The following PLGRKT variants were observed in gnomAD, a reference collection of about 807,000 sequenced individuals.
PLGRKT encodes the protein plasminogen receptor with a C-terminal lysine, also known as plasminogen receptor (KT).
In PLGRKT, 22 loss-of-function variants were observed where a neutral mutation model predicts 18.5. The ratio of observed to expected loss-of-function variants is 1.19; its 90% CI spans 0.85 to 1.70. The LOEUF (loss-of-function observed/expected upper bound fraction) is 1.70, where lower values mean the gene tolerates loss of function less well. Ranked by LOEUF, PLGRKT falls within the 40% of genes most tolerant of loss-of-function variation. The probability of loss-of-function intolerance (pLI) is 0.00; values close to 1 mark genes in which losing one functional copy is unlikely to be tolerated. For missense variants in PLGRKT, 235 were observed against 174.4 expected (o/e 1.35, Z -1.96); for synonymous variants, 72 against 52.8 (o/e 1.36, Z -1.58).
At chr9:5,424,426 T>G (rs985498735) in intron 3 of PLGRKT, among the ~76,000 whole-genome samples, 1 of 116,708 alleles carries the variant, frequency 8.6e-6, no homozygotes, top group Admixed American at 9.7e-5. Flanking sequence ...ATATAATATA[T>G]AACATATTAT....
intron 1 of PLGRKT, among the ~76,000 whole-genome samples, chr9:5,437,244 T>A (rs1818977831): frequency 6.6e-6 from 1 of 152,202 alleles, no homozygotes; most frequent in South Asian, 2.1e-4. Context: ...TTGATTTTAC[T>A]TGGGGGGACA....
chr9:5,409,625 G>A (rs1037666282), intron 3 of PLGRKT, among the ~76,000 whole-genome samples: 3 of 152,236 alleles, frequency 2.0e-5, no homozygotes, highest in South Asian at 2.1e-4. Context: ...GCCCATGAGA[G>A]CAGTTGTGGG....
At chr9:5,410,864 G>C (rs1396654168) in intron 3 of PLGRKT, among the ~76,000 whole-genome samples, 1 of 152,006 alleles carries the variant, frequency 6.6e-6, no homozygotes, top group African/African-American at 2.4e-5. Flanking sequence ...TTAAAGCACA[G>C]CCTTTTACCT....
At chr9:5,395,692 CATA>C (rs1818031127) in intron 3 of PLGRKT, among the ~76,000 whole-genome samples, 1 of 151,714 alleles carries the variant, frequency 6.6e-6, no homozygotes, top group African/African-American at 2.4e-5. Flanking sequence ...TATAGGACAG[CATA>C]ATAACTTGTA....
At chr9:5,367,424 T>A (rs1817417973) in intron 3 of PLGRKT, among the ~76,000 whole-genome samples, 1 of 151,992 alleles carries the variant, frequency 6.6e-6, no homozygotes, top group African/African-American at 2.4e-5. Context: ...AGAGAATTCA[T>A]AAATAAAGCC....
At chr9:5,407,547 T>C (rs73639301) in intron 3 of PLGRKT, among the ~76,000 whole-genome samples, 2,131 of 152,248 alleles carry the variant, frequency 0.014, 43 homozygotes, top group African/African-American at 0.048. Context: ...AAGTGTTGAG[T>C]AAATAAATTA....
At chr9:5,429,284 G>A (rs1465428636) in intron 3 of PLGRKT, among the ~76,000 whole-genome samples, 1 of 152,166 alleles carries the variant, frequency 6.6e-6, no homozygotes, top group Non-Finnish European at 1.5e-5. Flanking sequence ...AGCCCAGGGA[G>A]GAAAAGAAAA....
At chr9:5,435,041 CAT>C (rs934060139) in intron 2 of PLGRKT, among the ~76,000 whole-genome samples, 5 of 151,890 alleles carry the variant, frequency 3.3e-5, no homozygotes, top group Non-Finnish European at 7.4e-5. Context: ...CTCTCTGAAA[CAT>C]GTGCTGTGTC....
At chr9:5,387,004 G>A (rs1164404574) in intron 3 of PLGRKT, among the ~76,000 whole-genome samples, 1 of 151,892 alleles carries the variant, frequency 6.6e-6, no homozygotes, top group African/African-American at 2.4e-5. Flanking sequence ...TTGGATGGGT[G>A]ATGGCAAACG....
intron 3 of PLGRKT, among the ~76,000 whole-genome samples, chr9:5,393,956 A>G (rs1399474546): frequency 6.6e-6 from 1 of 151,890 alleles, no homozygotes; most frequent in East Asian, 1.9e-4. Flanking sequence ...CCATCTGGGA[A>G]GAAAAGCCTC....
At chr9:5,411,262 A>G (rs1304063809) in intron 3 of PLGRKT, among the ~76,000 whole-genome samples, 2 of 151,770 alleles carry the variant, frequency 1.3e-5, no homozygotes, top group East Asian at 3.9e-4. Flanking sequence ...GCATGCGTCT[A>G]TAATTCCAGC....
At chr9:5,381,933 A>G (rs1440271350) in intron 3 of PLGRKT, 1 of 985,142 alleles carries the variant, frequency 1.0e-6, no homozygotes, top group Admixed American at 6.1e-5. Flanking sequence ...GTCTGCTCCG[A>G]GACAGGGCCT....
At chr9:5,380,390 G>C (rs199809026) in intron 3 of PLGRKT, among the ~76,000 whole-genome samples, 1 of 131,206 alleles carries the variant, frequency 7.6e-6, no homozygotes, top group African/African-American at 2.9e-5. Flanking sequence ...AAAAAAAAAA[G>C]AATAAAAATA....
At chr9:5,365,432 G>C in intron 3 of PLGRKT, among the ~76,000 whole-genome samples, 1 of 152,162 alleles carries the variant, frequency 6.6e-6, no homozygotes, top group Admixed American at 6.5e-5. Context: ...CTGTACAGAA[G>C]AATTCCAACT....
chr9:5,368,357 G>A (rs1051459456), intron 3 of PLGRKT, among the ~76,000 whole-genome samples: 9 of 152,116 alleles, frequency 5.9e-5, no homozygotes, highest in East Asian at 3.9e-4. Flanking sequence ...GTGGATTGGC[G>A]AAAGAAAACG....
At chr9:5,383,673 C>T (rs1586714875) in intron 3 of PLGRKT, among the ~76,000 whole-genome samples, 1 of 152,128 alleles carries the variant, frequency 6.6e-6, no homozygotes, top group East Asian at 1.9e-4. Context: ...TCATAAGGAG[C>T]ATGCAACCTA....
intron 3 of PLGRKT, among the ~76,000 whole-genome samples, chr9:5,401,602 T>A (rs973177950): frequency 1.3e-5 from 2 of 151,920 alleles, no homozygotes; most frequent in African/African-American, 4.9e-5. Context: ...GAGCCTTCCA[T>A]CTAAAAACAA....
chr9:5,390,390 A>G (rs1042204108), intron 3 of PLGRKT, among the ~76,000 whole-genome samples: 2 of 151,800 alleles, frequency 1.3e-5, no homozygotes, highest in African/African-American at 2.4e-5. Flanking sequence ...TTGAAAGATC[A>G]CAGGAGAGGC....
chr9:5,387,317 A>C (rs183127252), intron 3 of PLGRKT, among the ~76,000 whole-genome samples: 42 of 152,018 alleles, frequency 2.8e-4, no homozygotes, highest in African/African-American at 9.9e-4. Context: ...CTGTTTTAAG[A>C]ATATTGAGTA....
Sources: allele counts gnomAD v4.1 joint callset (sites outside exome capture counted in the v4.1 genomes callset), GRCh38; gene constraint gnomAD v4.1.1; transcripts MANE v1.5; gene names NCBI Gene and HGNC (gene_info 2026-07-23, HGNC 2026-07-21).